The following SPAG16 variants were observed in gnomAD, a reference collection of about 807,000 sequenced individuals.
SPAG16 encodes sperm associated antigen 16.
A neutral mutation model predicts 80.4 loss-of-function variants in SPAG16; 86 were observed. The ratio of observed to expected loss-of-function variants is 1.07; its 90% CI spans 0.90 to 1.28. The LOEUF (loss-of-function observed/expected upper bound fraction) is 1.28, where lower values mean the gene tolerates loss of function less well. Among genes scored for constraint, SPAG16 ranks in the 50% most tolerant of loss-of-function variants. SPAG16 has a pLI of 0.00. For synonymous variants in SPAG16, 294 were observed against 265.9 expected (o/e 1.11, Z -1.03); for missense variants, 870 against 765.3 (o/e 1.14, Z -1.61).
chr2:213,490,040 T>G lies in SPAG16; in HGVS notation c.1020T>G (p.Phe340Leu). ...AAGAAAGTCTTTCTCCAGCAAAATT[T>G]GACTACAAGCTGAAAAACATTTTTA... ...VSKESLSPAK[F>L]DYKLKNIFRL... The change falls in exon 10 of 16, where the codon TTT becomes TTG. Residue 340 changes from phenylalanine to leucine, a missense_variant. By Grantham distance (22) the Phe-to-Leu change is conservative. Coordinates refer to ENST00000331683, the MANE Select transcript of SPAG16 (RefSeq NM_024532.5). 2 of 1,610,830 alleles carry G rather than the reference T, an allele frequency of 1.2e-6. No homozygotes were observed. Among genetic ancestry groups the G allele is most frequent in the Non-Finnish European group, 1.7e-6 (2 of 1,178,600 alleles).
Position 213,490,012 on chromosome 2 carries a change from C to G in SPAG16, c.992C>G (p.Ser331Cys). ...CAACCAAATCCAAACCTGAATGTTT[C>G]TAAAGAAAGTCTTTCTCCAGCAAAA... ...DMQPNPNLNV[S>C]KESLSPAKFD... is the part of the protein sequence containing the mutation. Residue 331 changes from serine to cysteine, a missense_variant, in exon 10 of 16, where the codon TCT becomes TGT. Physicochemically the swap from Ser to Cys is moderately radical, Grantham distance 112 (BLOSUM62 -1). Transcript: ENST00000331683. 9 of 1,610,230 alleles carry G rather than the reference C, an allele frequency of 5.6e-6. No individual in the cohort carries two copies. The highest frequency in any genetic ancestry group is 7.6e-6 in the Non-Finnish European group (9 of 1,178,360).
chr2:213,321,545 T>A (rs2063608528), intron 5 of SPAG16, among the ~76,000 whole-genome samples: 2 of 152,096 alleles, frequency 1.3e-5, no homozygotes, highest in Non-Finnish European at 1.5e-5. Context: ...ATTAATCACA[T>A]CATTAATATT....
At chr2:213,464,796 C>A (rs1489612402) in intron 9 of SPAG16, among the ~76,000 whole-genome samples, 1 of 152,152 alleles carries the variant, frequency 6.6e-6, no homozygotes, top group Non-Finnish European at 1.5e-5. Context: ...TTATCCTTTC[C>A]TACGTGGAAG....
intron 10 of SPAG16, among the ~76,000 whole-genome samples, chr2:213,764,578 C>A (rs2125532628): frequency 6.6e-6 from 1 of 152,142 alleles, no homozygotes; most frequent in East Asian, 1.9e-4. Context: ...CTAGGAACTT[C>A]TTTTATTTAT....
intron 13 of SPAG16, among the ~76,000 whole-genome samples, chr2:214,074,161 G>A (rs1170421505): frequency 6.6e-6 from 1 of 152,094 alleles, no homozygotes; most frequent in Admixed American, 6.6e-5. Flanking sequence ...TCCAGAAGAG[G>A]GCCCTCACCA....
At chr2:214,337,646 G>T (rs1163226855) in intron 15 of SPAG16, among the ~76,000 whole-genome samples, 2 of 152,152 alleles carry the variant, frequency 1.3e-5, no homozygotes, top group Non-Finnish European at 2.9e-5. Flanking sequence ...GAAAGTGCAT[G>T]GCTATAGGGG....
At chr2:213,324,285 AT>A (rs1236807603) in intron 5 of SPAG16, among the ~76,000 whole-genome samples, 2 of 152,024 alleles carry the variant, frequency 1.3e-5, no homozygotes, top group African/African-American at 4.8e-5. Flanking sequence ...TTTTACAGTT[AT>A]TTTTTGTTAT....
chr2:213,612,668 G>A (rs1559309122), intron 10 of SPAG16, among the ~76,000 whole-genome samples: 1 of 152,066 alleles, frequency 6.6e-6, no homozygotes, highest in Admixed American at 6.6e-5. Flanking sequence ...GACTAGCCTT[G>A]AAAAATAAAA....
chr2:213,446,308 A>G (rs2071307392), intron 9 of SPAG16, among the ~76,000 whole-genome samples: 1 of 152,236 alleles, frequency 6.6e-6, no homozygotes, highest in Non-Finnish European at 1.5e-5. Flanking sequence ...GCTCATCAAG[A>G]TAAAGAAGAA....
At chr2:213,891,821 C>T (rs2076794875) in intron 11 of SPAG16, among the ~76,000 whole-genome samples, 1 of 152,126 alleles carries the variant, frequency 6.6e-6, no homozygotes, top group African/African-American at 2.4e-5. Context: ...ATTCTGCCTG[C>T]CTCCAGGTGA....
chr2:213,688,424 T>G (rs1241788125), intron 10 of SPAG16, among the ~76,000 whole-genome samples: 1 of 152,240 alleles, frequency 6.6e-6, no homozygotes, highest in Non-Finnish European at 1.5e-5. Flanking sequence ...AGTACAGCTT[T>G]GCAGGGCCAT....
intron 10 of SPAG16, among the ~76,000 whole-genome samples, chr2:213,576,491 A>G (rs1056548917): frequency 1.3e-5 from 2 of 152,216 alleles, no homozygotes; most frequent in African/African-American, 2.4e-5. Context: ...CCAAAGGAAT[A>G]TAAATCATTC....
intron 10 of SPAG16, among the ~76,000 whole-genome samples, chr2:213,598,291 C>A (rs1247487502): frequency 6.6e-6 from 1 of 152,142 alleles, no homozygotes; most frequent in African/African-American, 2.4e-5. Context: ...AGGGGAAGTT[C>A]TCCCTTGGCC....
chr2:214,364,567 T>A (rs927391386), intron 15 of SPAG16, among the ~76,000 whole-genome samples: 3 of 152,180 alleles, frequency 2.0e-5, no homozygotes, highest in African/African-American at 7.2e-5. Flanking sequence ...TTGCAATGTT[T>A]AGGTGAATCA....
At chr2:213,325,002 AT>A (rs199925338) in intron 5 of SPAG16, among the ~76,000 whole-genome samples, 1 of 151,780 alleles carries the variant, frequency 6.6e-6, no homozygotes, top group Non-Finnish European at 1.5e-5. Context: ...ATTAAACATA[AT>A]TTTTTTTGCT....
At chr2:213,828,300 A>T (rs1326287628) in intron 10 of SPAG16, among the ~76,000 whole-genome samples, 3 of 152,122 alleles carry the variant, frequency 2.0e-5, no homozygotes, top group Non-Finnish European at 4.4e-5. Context: ...CCATTCTGCT[A>T]TTAAGAGACT....
intron 15 of SPAG16, among the ~76,000 whole-genome samples, chr2:214,159,189 C>T (rs1353190088): frequency 6.6e-6 from 1 of 151,938 alleles, no homozygotes; most frequent in African/African-American, 2.4e-5. Flanking sequence ...ATTCTTCATA[C>T]ATACTTTAAT....
At chr2:214,175,196 A>AATAT (rs201731862) in intron 15 of SPAG16, among the ~76,000 whole-genome samples, 3,714 of 139,884 alleles carry the variant, frequency 0.027, 163 homozygotes, top group East Asian at 0.17. Context: ...GGAATAAAGA[A>AATAT]ATATATATAT....
intron 15 of SPAG16, among the ~76,000 whole-genome samples, chr2:214,284,532 A>G (rs1011079602): frequency 1.3e-5 from 2 of 152,218 alleles, no homozygotes; most frequent in Non-Finnish European, 2.9e-5. Flanking sequence ...AAAGAACTAC[A>G]GGTAGGAGAC....
Sources: gnomAD v4.1 joint callset for allele counts (sites outside exome capture counted in the v4.1 genomes callset) on GRCh38, gnomAD v4.1.1 for gene constraint, MANE v1.5 for transcripts, NCBI Gene and HGNC (gene_info 2026-07-23, HGNC 2026-07-21) for gene names.